Variants in LANCL3 observed in about 807,000 individuals in gnomAD.
The protein encoded by LANCL3 is LanC like family member 3.
LANCL3 carries 19 observed loss-of-function variants against 26.5 expected under a neutral mutation model. The ratio of observed to expected loss-of-function variants is 0.72; its 90% confidence interval spans 0.50 to 1.05. The LOEUF (loss-of-function observed/expected upper bound fraction) is 1.05, where lower values mean the gene tolerates loss of function less well. LANCL3 is among the 50% of genes least tolerant of loss of function. The probability of loss-of-function intolerance (pLI) is 0.00; values close to 1 mark genes in which losing one functional copy is unlikely to be tolerated. For missense variants in LANCL3, 318 were observed against 362.7 expected (o/e 0.88, Z 1.00); for synonymous variants, 160 against 166.6 (o/e 0.96, Z 0.30).
chrX:37,580,761 A>G (rs1463142661), intron 1 of LANCL3, among the ~76,000 whole-genome samples: 2 of 107,750 alleles, frequency 1.9e-5, no homozygotes, highest in African/African-American at 6.8e-5. Context: ...CTCACCTTCT[A>G]TGAGTTTGAC....
At chrX:37,618,533 G>A (rs1197487361) in intron 1 of LANCL3, among the ~76,000 whole-genome samples, 1 of 111,979 alleles carries the variant, frequency 8.9e-6, no homozygotes, top group Non-Finnish European at 1.9e-5. Context: ...TGTTGGCAGG[G>A]TTGGTCCCTC....
chrX:37,660,658 C>G (rs1402757191), intron 3 of LANCL3, among the ~76,000 whole-genome samples: 2 of 111,180 alleles, frequency 1.8e-5, no homozygotes, highest in African/African-American at 6.5e-5. Context: ...ATGCTTCAAT[C>G]CCACAAGCAC....
At chrX:37,616,416 C>G (rs1925010612) in intron 1 of LANCL3, among the ~76,000 whole-genome samples, 1 of 111,902 alleles carries the variant, frequency 8.9e-6, no homozygotes, top group Admixed American at 9.5e-5. Flanking sequence ...AGCATCTCTA[C>G]ATTGTAATGG....
chrX:37,627,042 A>G (rs1925333843), intron 1 of LANCL3, among the ~76,000 whole-genome samples: 1 of 112,012 alleles, frequency 8.9e-6, no homozygotes, highest in African/African-American at 3.2e-5. Context: ...TTATGTAGGT[A>G]GACTATGATT....
intron 1 of LANCL3, among the ~76,000 whole-genome samples, chrX:37,624,950 T>A (rs782719968): frequency 8.9e-6 from 1 of 111,784 alleles, no homozygotes; most frequent in Non-Finnish European, 1.9e-5. Context: ...ATTCACCACT[T>A]TCATGGCACC....
At chrX:37,616,424 T>C (rs782283696) in intron 1 of LANCL3, among the ~76,000 whole-genome samples, 2 of 111,955 alleles carry the variant, frequency 1.8e-5, no homozygotes, top group Non-Finnish European at 3.8e-5. Flanking sequence ...TACATTGTAA[T>C]GGGGTCCAGT....
In LANCL3 at chrX:37,680,955, AG is replaced by A. The variant is rs1926923304; in HGVS notation, c.*5144del. On this transcript the variant is annotated 3_prime_UTR_variant, in exon 5 of 5. Coordinates refer to ENST00000378619, the MANE Select transcript of LANCL3 (RefSeq NM_001170331.2). ...TAGCTATTAGATAGATCTCAGTGAA[AG>A]GATATGTTCAAGCTAAGTTGATTAA... 8.9e-6 allele frequency: 1 copy of A among 111,844 alleles called. No individual in the cohort carries two copies. Among genetic ancestry groups the A allele is most frequent in the East Asian group, 2.8e-4 (1 of 3,585 alleles). 9.2% of individuals were successfully genotyped at this position (111,844 alleles called of 1,213,427 possible).
chrX:37,662,668 A>G (rs1306435347), intron 3 of LANCL3, among the ~76,000 whole-genome samples: 2 of 111,851 alleles, frequency 1.8e-5, no homozygotes, highest in Non-Finnish European at 3.8e-5. Context: ...CATATTTATT[A>G]AGTAATAATT....
In LANCL3 at chrX:37,631,204, A is replaced by T. The variant is rs1421044520; in HGVS notation, c.574-24484A>T. ...GGAGGGTGTATGTGTCGAGAAATTT[A>T]TCCATTTCTTCTAGATTTTCTAGTT... On this transcript the variant is annotated intron_variant, in intron 1 of 4. Coordinates refer to ENST00000378619, the MANE Select transcript of LANCL3 (RefSeq NM_001170331.2). Among the ~76,000 whole-genome samples the T allele has an allele frequency of 4.5e-5, 5 of 111,860 alleles. No homozygotes were observed. The East Asian group carries it at 1.4e-3, about 31-fold the overall frequency.
At chrX:37,597,764 G>T (rs782075684) in intron 1 of LANCL3, among the ~76,000 whole-genome samples, 6 of 96,723 alleles carry the variant, frequency 6.2e-5, no homozygotes, top group Admixed American at 2.6e-4. Context: ...CCATCTTTCA[G>T]CCTCAGCCTT....
In LANCL3 at chrX:37,675,817, G is replaced by T. The variant is rs1378587689; in HGVS notation, c.*4G>T. 10 of 1,136,054 alleles carry T rather than the reference G, an allele frequency of 8.8e-6. No homozygotes were observed. The highest frequency in any genetic ancestry group is 9.3e-6 in the Non-Finnish European group (8 of 859,275). 93.6% of individuals were successfully genotyped at this position (1,136,054 alleles called of 1,213,427 possible). A position where few individuals can be genotyped will look rare whatever the true frequency, so the allele number is the denominator to read the frequency against. On this transcript the variant is annotated 3_prime_UTR_variant, in exon 5 of 5. Coordinates refer to ENST00000378619, the MANE Select transcript of LANCL3 (RefSeq NM_001170331.2). ...ACTCTTCAGCGTCTTTGTTTAGAAG[G>T]CTCTATCTTCCACTGTGGCCCTGCA... is the stretch of plus-strand genomic sequence containing the variant.
At chrX:37,631,532 T>G (rs1179840871) in intron 1 of LANCL3, among the ~76,000 whole-genome samples, 1 of 111,394 alleles carries the variant, frequency 9.0e-6, no homozygotes, top group African/African-American at 3.3e-5. Context: ...TAGTTCTTTT[T>G]ATTGTGATGT....
chrX:37,628,457 A>G (rs1472510303), intron 1 of LANCL3, among the ~76,000 whole-genome samples: 1 of 110,178 alleles, frequency 9.1e-6, no homozygotes, highest in African/African-American at 3.3e-5. Flanking sequence ...TTTTTTTATT[A>G]TTATTATACT....
chrX:37,623,214 T>C (rs1190354205), intron 1 of LANCL3, among the ~76,000 whole-genome samples: 1 of 111,960 alleles, frequency 8.9e-6, no homozygotes, highest in African/African-American at 3.2e-5. Flanking sequence ...TTTTCTAATT[T>C]AAGAGAACTG....
intron 1 of LANCL3, among the ~76,000 whole-genome samples, chrX:37,615,414 C>T (rs1924980287): frequency 8.9e-6 from 1 of 111,823 alleles, no homozygotes; most frequent in African/African-American, 3.2e-5. Context: ...GTGGTATTAC[C>T]AGCTTCTCAT....
chrX:37,609,296 G>A (rs1556420850), intron 1 of LANCL3, among the ~76,000 whole-genome samples: 1 of 111,603 alleles, frequency 9.0e-6, no homozygotes, highest in Non-Finnish European at 1.9e-5. Flanking sequence ...TTGTTGATCT[G>A]GAGGCTAAAC....
intron 1 of LANCL3, among the ~76,000 whole-genome samples, chrX:37,589,572 G>A (rs1393230077): frequency 9.0e-6 from 1 of 111,721 alleles, no homozygotes; most frequent in African/African-American, 3.3e-5. Context: ...TCCACCAAAT[G>A]TCAGTATCTG....
intron 1 of LANCL3, among the ~76,000 whole-genome samples, chrX:37,638,062 GAGAA>G (rs1161884999): frequency 4.5e-5 from 5 of 111,511 alleles, no homozygotes; most frequent in African/African-American, 9.8e-5. Flanking sequence ...GAGAGAGAGA[GAGAA>G]AGAAAGAGAG....
At chrX:37,599,563 G>C (rs1197570115) in intron 1 of LANCL3, among the ~76,000 whole-genome samples, 1 of 112,117 alleles carries the variant, frequency 8.9e-6, no homozygotes, top group Non-Finnish European at 1.9e-5. Context: ...TTAATTTGTA[G>C]AACACAAAGT....
Sources: allele counts gnomAD v4.1 joint callset (sites outside exome capture counted in the v4.1 genomes callset), GRCh38; gene constraint gnomAD v4.1.1; transcripts MANE v1.5; gene names NCBI Gene and HGNC (gene_info 2026-07-23, HGNC 2026-07-21).